Variants in HTR4 observed in about 807,000 individuals in gnomAD.
HTR4 encodes the protein 5-hydroxytryptamine (serotonin) receptor 4, G protein-coupled.
A neutral mutation model predicts 36.8 loss-of-function variants in HTR4; 16 were observed. The ratio of observed to expected loss-of-function variants is 0.43; its 90% CI spans 0.29 to 0.66. The LOEUF is 0.66. Ranked by LOEUF, HTR4 falls within the 30% of genes least tolerant of loss-of-function variation. The pLI, the probability that HTR4 is intolerant of heterozygous loss-of-function variation, is 0.13. For missense variants in HTR4, 438 were observed against 490.9 expected (o/e 0.89, Z 1.02); for synonymous variants, 189 against 185.1 (o/e 1.02, Z -0.17).
chr5:148,547,562 A>AAAATAAAATAAAT lies in HTR4; in HGVS notation c.353+1105_353+1106insATTTATTTTATTT, dbSNP rs1554094300. ...AAAATAAAATAAAATAAAATAAAAT[A>AAAATAAAATAAAT]AAATAAATAAATAAAAATAAATGAA... On this transcript the variant is annotated intron_variant, in intron 4 of 6. Transcript: ENST00000377888. Among the ~76,000 whole-genome samples the AAAATAAAATAAAT allele has an allele frequency of 5.2e-3, 721 of 138,920 alleles. 3 individuals carry two copies. The highest frequency in any genetic ancestry group is 8.5e-3 in the Non-Finnish European group (553 of 65,104). The allele number at this position is 138,920 out of a possible 152,430, so 91.1% of individuals were successfully genotyped here.
intron 5 of HTR4, among the ~76,000 whole-genome samples, chr5:148,511,619 T>TTGTGTGTGTGTG (rs529668445): frequency 0.052 from 7,191 of 139,172 alleles, 263 homozygotes; most frequent in East Asian, 0.12. Context: ...TTGTGGAAGT[T>TTGTGTGTGTGTG]TGTGTGTGTG....
intron 2 of HTR4, among the ~76,000 whole-genome samples, chr5:148,597,889 A>G (rs1761841901): frequency 1.3e-5 from 2 of 152,236 alleles, no homozygotes; most frequent in Non-Finnish European, 2.9e-5. Flanking sequence ...TGACTGACAC[A>G]TAGAAAGCAT....
chr5:148,580,771 A>C (rs940702186), intron 2 of HTR4, among the ~76,000 whole-genome samples: 4 of 152,028 alleles, frequency 2.6e-5, no homozygotes, highest in African/African-American at 9.7e-5. Flanking sequence ...CTATTCATTC[A>C]TCTGTTGATA....
At chr5:148,565,969 C>A (rs181979247) in intron 2 of HTR4, among the ~76,000 whole-genome samples, 1 of 152,186 alleles carries the variant, frequency 6.6e-6, no homozygotes, top group Non-Finnish European at 1.5e-5. Flanking sequence ...ATGCTTGTGA[C>A]AAATGTTAAA....
At chr5:148,569,488 G>T (rs906514264) in intron 2 of HTR4, among the ~76,000 whole-genome samples, 16 of 151,960 alleles carry the variant, frequency 1.1e-4, no homozygotes, top group African/African-American at 3.9e-4. Context: ...TGCATGTCCT[G>T]TGCATGTATC....
At chr5:148,550,021 T>C in intron 3 of HTR4, 116 bp downstream of exon 3, 1 of 1,045,080 alleles carries the variant, frequency 9.6e-7, no homozygotes. Flanking sequence ...AAAATGTTGT[T>C]CCCATGAATG....
intron 2 of HTR4, among the ~76,000 whole-genome samples, chr5:148,605,734 T>C (rs1752133809): frequency 6.6e-6 from 1 of 151,306 alleles, no homozygotes; most frequent in African/African-American, 2.4e-5. Flanking sequence ...AGAAACTAAA[T>C]GTTTCTGTGA....
chr5:148,527,268 C>T (rs1168144997), intron 4 of HTR4, among the ~76,000 whole-genome samples: 1 of 152,138 alleles, frequency 6.6e-6, no homozygotes, highest in Non-Finnish European at 1.5e-5. Flanking sequence ...TCTTTGATTT[C>T]CATAAATGGA....
intron 2 of HTR4, among the ~76,000 whole-genome samples, chr5:148,630,954 G>A (rs766107077): frequency 6.6e-6 from 1 of 152,132 alleles, no homozygotes; most frequent in Non-Finnish European, 1.5e-5. Context: ...GCATCCCATG[G>A]TGTTGGTAGT....
At chr5:148,468,294 T>G (rs1755482469) in intron 5 of HTR4, among the ~76,000 whole-genome samples, 1 of 152,036 alleles carries the variant, frequency 6.6e-6, no homozygotes, top group South Asian at 2.1e-4. Context: ...TGGCTCAGAG[T>G]GCTTCAAACA....
At chr5:148,589,671 C>T (rs1376777672) in intron 2 of HTR4, among the ~76,000 whole-genome samples, 1 of 151,898 alleles carries the variant, frequency 6.6e-6, no homozygotes, top group Non-Finnish European at 1.5e-5. Flanking sequence ...GCATATTTTG[C>T]CATACAGAAG....
At chr5:148,605,213 C>A (rs1382843864) in intron 2 of HTR4, among the ~76,000 whole-genome samples, 7 of 146,012 alleles carry the variant, frequency 4.8e-5, no homozygotes, top group Non-Finnish European at 9.1e-5. Flanking sequence ...ATGTTCAATT[C>A]TTTCTATGTT....
chr5:148,593,957 T>G (rs903756021), intron 2 of HTR4, among the ~76,000 whole-genome samples: 1 of 152,188 alleles, frequency 6.6e-6, no homozygotes. Context: ...AGATGAAAGC[T>G]TCTCAGCATG....
chr5:148,459,013 G>C (rs1471557356), intron 5 of HTR4, among the ~76,000 whole-genome samples: 1 of 152,094 alleles, frequency 6.6e-6, no homozygotes, highest in Non-Finnish European at 1.5e-5. Flanking sequence ...TTATTATCTC[G>C]CATTTCTGGA....
intron 2 of HTR4, among the ~76,000 whole-genome samples, chr5:148,571,778 C>A (rs1047704520): frequency 6.6e-6 from 1 of 151,986 alleles, no homozygotes. Flanking sequence ...TTGGAGAGAG[C>A]AGCACAGGGG....
intron 6 of HTR4, among the ~76,000 whole-genome samples, chr5:148,502,511 C>T (rs1197118222): frequency 6.6e-6 from 1 of 151,944 alleles, no homozygotes. Context: ...TCACTATGAT[C>T]AAAGACAAAG....
At chr5:148,557,899 C>G (rs927684683) in intron 2 of HTR4, among the ~76,000 whole-genome samples, 1 of 151,302 alleles carries the variant, frequency 6.6e-6, no homozygotes, top group Non-Finnish European at 1.5e-5. Flanking sequence ...TACTTTTTCT[C>G]TTTATATTTT....
At chr5:148,567,220 C>A (rs1047826299) in intron 2 of HTR4, among the ~76,000 whole-genome samples, 4 of 152,090 alleles carry the variant, frequency 2.6e-5, no homozygotes, top group Non-Finnish European at 5.9e-5. Flanking sequence ...TTTTTTTAAA[C>A]AAAGTTCTCT....
chr5:148,640,420 C>A (rs868201152), intron 1 of HTR4, among the ~76,000 whole-genome samples: 8 of 152,270 alleles, frequency 5.3e-5, no homozygotes, highest in Admixed American at 1.3e-4. Context: ...GAAAGCCAGT[C>A]CTAGAATTTT....
Sources: gnomAD v4.1 joint callset for allele counts (sites outside exome capture counted in the v4.1 genomes callset) on GRCh38, gnomAD v4.1.1 for gene constraint, MANE v1.5 for transcripts, NCBI Gene and HGNC (gene_info 2026-07-23, HGNC 2026-07-21) for gene names.